The following QSER1 variants were observed in gnomAD, a reference collection of about 807,000 sequenced individuals.
QSER1 encodes the protein glutamine and serine rich 1.
QSER1 carries 49 observed loss-of-function variants against 158.5 expected under a neutral mutation model. The observed-to-expected ratio is 0.31, with a 90% CI of 0.25 to 0.39. The LOEUF is 0.39. QSER1 is among the 10% of genes least tolerant of loss of function. The pLI is 1.00. For synonymous variants in QSER1, 650 were observed against 715.5 expected (o/e 0.91, Z 1.46); for missense variants, 1,754 against 2,010.3 (o/e 0.87, Z 2.44).
At chr11:32,973,375 AT>A (rs1205824142) in intron 10 of QSER1, 21 bp from the exon 11 acceptor site, 2 of 1,611,764 alleles carry the variant, frequency 1.2e-6, no homozygotes, top group Admixed American at 3.4e-5. Context: ...GGTGTCAGTT[AT>A]TTTGCTTCAT....
At chr11:32,912,919 G>A (rs1478573862) in intron 1 of QSER1, among the ~76,000 whole-genome samples, 2 of 151,996 alleles carry the variant, frequency 1.3e-5, no homozygotes, top group African/African-American at 2.4e-5. Flanking sequence ...TCTCAAAAAA[G>A]TATAAATTTA....
chr11:32,950,451 T>C (rs1258054977), intron 4 of QSER1, among the ~76,000 whole-genome samples: 1 of 152,222 alleles, frequency 6.6e-6, no homozygotes, highest in African/African-American at 2.4e-5. Flanking sequence ...AGTTCATCAG[T>C]ATTATTCAGA....
chr11:32,897,159 T>C (rs1163170251), intron 1 of QSER1, among the ~76,000 whole-genome samples: 1 of 152,220 alleles, frequency 6.6e-6, no homozygotes, highest in Non-Finnish European at 1.5e-5. Context: ...AAATTCATTA[T>C]AAAAATCCTT....
intron 1 of QSER1, among the ~76,000 whole-genome samples, chr11:32,910,047 C>T (rs999711153): frequency 2.0e-5 from 3 of 152,156 alleles, no homozygotes; most frequent in Admixed American, 2.0e-4. Flanking sequence ...TTAACTACTA[C>T]CTTTCCACGA....
intron 1 of QSER1, among the ~76,000 whole-genome samples, chr11:32,911,998 A>G (rs182901127): frequency 1.3e-5 from 2 of 152,302 alleles, no homozygotes; most frequent in Admixed American, 6.5e-5. Context: ...TATTTTGGTC[A>G]TATGTGTAAA....
intron 1 of QSER1, among the ~76,000 whole-genome samples, chr11:32,905,650 A>T (rs1175837469): frequency 6.6e-6 from 1 of 152,142 alleles, no homozygotes; most frequent in Non-Finnish European, 1.5e-5. Context: ...TTTGACTCAA[A>T]TCTGATCCTC....
chr11:32,975,828 CA>C (rs1308015820), intron 12 of QSER1, among the ~76,000 whole-genome samples: 1 of 152,170 alleles, frequency 6.6e-6, no homozygotes, highest in African/African-American at 2.4e-5. Flanking sequence ...TTATACATGA[CA>C]AAATATCACC....
chr11:32,972,148 G>A (rs572334690), intron 10 of QSER1, among the ~76,000 whole-genome samples: 1 of 151,822 alleles, frequency 6.6e-6, no homozygotes, highest in South Asian at 2.1e-4. Context: ...GAGAAGAGTG[G>A]CTTTAAAGGT....
chr11:32,969,530 T>C (rs1232609786), intron 10 of QSER1, among the ~76,000 whole-genome samples: 2 of 152,230 alleles, frequency 1.3e-5, no homozygotes, highest in Non-Finnish European at 2.9e-5. Context: ...GGGTAGGAAA[T>C]GTATATAATT....
intron 1 of QSER1, among the ~76,000 whole-genome samples, chr11:32,905,932 ATT>A (rs1184948582): frequency 6.6e-6 from 1 of 152,114 alleles, no homozygotes; most frequent in African/African-American, 2.4e-5. Context: ...ATGACATTTG[ATT>A]AATATGTTAT....
Position 32,939,345 on chromosome 11 carries a change from T to TA in QSER1, c.4177+3917dup, listed in dbSNP as rs922949149. 7.9e-5 allele frequency among the ~76,000 whole-genome samples: 12 copies of TA among 152,278 alleles called. No individual in the cohort carries two copies. The South Asian group carries it at 1.0e-3, about 13-fold the overall frequency. ...ACTTGGCTGAAATGTGTTGAAAGCT[T>TA]AAAAAAATGTGTAATACCACCATCA... On this transcript the variant is annotated intron_variant, in intron 4 of 12. Coordinates refer to ENST00000650167, the MANE Select transcript of QSER1 (RefSeq NM_001076786.3).
intron 8 of QSER1, among the ~76,000 whole-genome samples, chr11:32,960,094 G>A (rs1242410812): frequency 2.6e-5 from 4 of 151,452 alleles, no homozygotes; most frequent in African/African-American, 4.9e-5. Flanking sequence ...AATGCTATTT[G>A]TGGGCAAGTG....
At chr11:32,905,367 G>T (rs1438763006) in intron 1 of QSER1, among the ~76,000 whole-genome samples, 1 of 152,224 alleles carries the variant, frequency 6.6e-6, no homozygotes, top group Non-Finnish European at 1.5e-5. Flanking sequence ...GAGCAAAACT[G>T]CAAGATGAAC....
chr11:32,963,417 G>A (rs1421762689), intron 8 of QSER1, among the ~76,000 whole-genome samples: 2 of 151,610 alleles, frequency 1.3e-5, no homozygotes, highest in African/African-American at 2.4e-5. Flanking sequence ...GTGCAGTGGC[G>A]CGATCTCGGC....
intron 11 of QSER1, among the ~76,000 whole-genome samples, chr11:32,974,025 C>A (rs947354694): frequency 2.0e-5 from 3 of 152,162 alleles, no homozygotes; most frequent in Non-Finnish European, 4.4e-5. Context: ...TATTTCATAT[C>A]TGCAAAGTCA....
chr11:32,904,677 A>G (rs1260345164), intron 1 of QSER1, among the ~76,000 whole-genome samples: 1 of 144,582 alleles, frequency 6.9e-6, no homozygotes, highest in East Asian at 2.0e-4. Context: ...CACTGTTCCT[A>G]AAATGGTGTT....
Position 32,893,291 on chromosome 11 carries a change from A to C in QSER1, c.166A>C (p.Ser56Arg), listed in dbSNP as rs1851508567. The C allele has an allele frequency of 6.5e-6, 1 of 153,578 alleles. No individual in the cohort carries two copies. Among genetic ancestry groups the C allele is most frequent in the Admixed American group, 6.6e-5 (1 of 15,262 alleles). 9.5% of individuals were successfully genotyped at this position (153,578 alleles called of 1,614,324 possible). A position where few individuals can be genotyped will look rare whatever the true frequency, so the allele number is the denominator to read the frequency against. ...AAAAASSSCS[S>R]GSCSSGSSPS... ...CGCCGCCGCCAGCAGCAGCTGCAGC[A>C]GTGGCAGCTGCAGTAGCGGCAGCAG... Residue 56 changes from serine (S) to arginine (R), a missense_variant, in exon 1 of 13, where the codon AGT becomes CGT. Ser to Arg is a moderately radical substitution (Grantham distance 110, BLOSUM62 -1). Around this residue, in one of 2 missense-constraint regions of QSER1, gnomAD observed 1,707 missense variants for 1,919.6 expected, o/e 0.89. Transcript: ENST00000650167. This position sits in a 1 kb window ranked among gnomAD's most constrained non-coding sequence, Gnocchi z 4.7.
intron 4 of QSER1, among the ~76,000 whole-genome samples, chr11:32,944,525 T>C (rs1376131801): frequency 1.3e-5 from 2 of 152,102 alleles, no homozygotes; most frequent in Admixed American, 1.3e-4. Context: ...GGTTGTTCAG[T>C]TTCCATGTAG....
At chr11:32,958,959 T>C (rs1485041269) in intron 8 of QSER1, among the ~76,000 whole-genome samples, 1 of 152,214 alleles carries the variant, frequency 6.6e-6, no homozygotes, top group Admixed American at 6.5e-5. Context: ...TCTTAAAAAT[T>C]ATTGAGGATC....
Sources: gnomAD v4.1 joint callset for allele counts (sites outside exome capture counted in the v4.1 genomes callset) on GRCh38, gnomAD v4.1.1 for gene constraint, gnomAD v4.1.1 regional missense constraint, Gnocchi (gnomAD v3.1) non-coding constraint, MANE v1.5 for transcripts, NCBI Gene and HGNC (gene_info 2026-07-23, HGNC 2026-07-21) for gene names.